Variants in DOCK2 observed in about 807,000 individuals in gnomAD.
The protein encoded by DOCK2 is dedicator of cytokinesis 2.
Under a neutral mutation model 248.9 loss-of-function variants are expected in DOCK2, and 87 were observed. The ratio of observed to expected loss-of-function variants is 0.35; its 90% CI spans 0.29 to 0.42. DOCK2 has a LOEUF of 0.42. Ranked by LOEUF, DOCK2 falls within the 10% of genes least tolerant of loss-of-function variation. The pLI, the probability that DOCK2 is intolerant of heterozygous loss-of-function variation, is 1.00. For missense variants in DOCK2, 1,747 were observed against 2,300.2 expected (o/e 0.76, Z 4.92); for synonymous variants, 805 against 821.6 (o/e 0.98, Z 0.35).
At chr5:169,836,810 G>A (rs1295392540) in intron 26 of DOCK2, among the ~76,000 whole-genome samples, 1 of 151,490 alleles carries the variant, frequency 6.6e-6, no homozygotes, top group Non-Finnish European at 1.5e-5. Flanking sequence ...TCTCTACTTG[G>A]TATCATGAAA....
rs757159147 is a variant in DOCK2 at position 169,702,294 on chromosome 5, C to T, written c.1259-9C>T. 8 of 1,613,444 alleles carry T rather than the reference C, an allele frequency of 5.0e-6. No individual in the cohort carries two copies. Among genetic ancestry groups the T allele is most frequent in the Non-Finnish European group, 6.8e-6 (8 of 1,179,590 alleles). On this transcript the variant is annotated splice_polypyrimidine_tract_variant and intron_variant, in intron 13 of 51. Transcript: ENST00000520908. The stretch of plus-strand genomic sequence containing the variant: ...CACTAACTCTTGTCTCTCTCTCCCT[C>T]TGCCTCAGGGGATGTCAGGAACGAC...
intron 27 of DOCK2, among the ~76,000 whole-genome samples, chr5:169,911,516 T>C (rs1774598439): frequency 6.6e-6 from 1 of 152,224 alleles, no homozygotes; most frequent in Non-Finnish European, 1.5e-5. Flanking sequence ...GTTTATTACC[T>C]GCTGGTGAGA....
intron 6 of DOCK2, among the ~76,000 whole-genome samples, chr5:169,676,922 A>G (rs1362323164): frequency 1.3e-5 from 2 of 152,238 alleles, no homozygotes; most frequent in Non-Finnish European, 2.9e-5. Flanking sequence ...AACCAGTGAT[A>G]ACTTCTGAAG....
At chr5:169,812,957 G>A (rs960241493) in intron 26 of DOCK2, among the ~76,000 whole-genome samples, 2 of 152,264 alleles carry the variant, frequency 1.3e-5, no homozygotes, top group South Asian at 2.1e-4. Flanking sequence ...AAGGCTTGCC[G>A]GGAAGCGGCA....
chr5:169,959,111 G>T (rs963408274), intron 27 of DOCK2, among the ~76,000 whole-genome samples: 17 of 152,118 alleles, frequency 1.1e-4, no homozygotes, highest in Non-Finnish European at 2.1e-4. Flanking sequence ...AGCACAAACT[G>T]GCTGGGCATG....
intron 30 of DOCK2, among the ~76,000 whole-genome samples, chr5:170,005,142 G>T (rs1461940974): frequency 1.3e-5 from 2 of 150,882 alleles, no homozygotes; most frequent in Non-Finnish European, 2.9e-5. Flanking sequence ...CTAAGTATAA[G>T]AAATCATACA....
Position 169,763,977 on chromosome 5 carries a change from CT to C in DOCK2, c.2554+2355del, listed in dbSNP as rs1474903791. On this transcript the variant is annotated intron_variant, in intron 25 of 51. Coordinates refer to ENST00000520908, the MANE Select transcript of DOCK2 (RefSeq NM_004946.3). This position sits in a 1 kb window ranked among gnomAD's most constrained non-coding sequence, Gnocchi z 4.1. Reference sequence around the variant, plus strand: ...CCAAAGGGAAACTTCAGCTCATCCCCTTTCTTAAATCCTCAAGTTCCCAATG... The same window carrying C: ...CCAAAGGGAAACTTCAGCTCATCCCCTTCTTAAATCCTCAAGTTCCCAATG... Among the ~76,000 whole-genome samples the C allele has an allele frequency of 6.6e-6, 1 of 152,212 alleles. No individual in the cohort carries two copies. Among genetic ancestry groups the C allele is most frequent in the African/African-American group, 2.4e-5 (1 of 41,456 alleles).
intron 26 of DOCK2, among the ~76,000 whole-genome samples, chr5:169,814,322 A>G (rs1208712456): frequency 2.6e-5 from 4 of 152,244 alleles, no homozygotes; most frequent in Non-Finnish European, 5.9e-5. Context: ...CGATCTGATG[A>G]TGAGAAGACA....
intron 25 of DOCK2, among the ~76,000 whole-genome samples, chr5:169,789,530 A>G (rs1021527089): frequency 1.3e-5 from 2 of 152,228 alleles, no homozygotes; most frequent in Non-Finnish European, 2.9e-5. Context: ...GTTTGCACAG[A>G]GAGCTCATTA....
chr5:169,754,753 A>G (rs1308463247), intron 23 of DOCK2, among the ~76,000 whole-genome samples: 2 of 152,136 alleles, frequency 1.3e-5, no homozygotes, highest in Non-Finnish European at 2.9e-5. Context: ...CTCATTAGCT[A>G]CATGGCTTCT....
chr5:170,013,754 A>G (rs901049557), intron 32 of DOCK2, among the ~76,000 whole-genome samples: 1 of 152,068 alleles, frequency 6.6e-6, no homozygotes, highest in African/African-American at 2.4e-5. Flanking sequence ...GTTTTAATTT[A>G]CTAAGTTTGT....
At chr5:170,052,514 G>A (rs1561899438) in intron 41 of DOCK2, among the ~76,000 whole-genome samples, 1 of 152,154 alleles carries the variant, frequency 6.6e-6, no homozygotes, top group Admixed American at 6.5e-5. Context: ...TCTTGAGACT[G>A]AGGGCTTTAT....
In DOCK2 at chr5:170,016,552, C is replaced by T. The variant is rs77450337; in HGVS notation, c.3233-2408C>T. 9.7e-3 allele frequency among the ~76,000 whole-genome samples: 1,472 copies of T among 152,344 alleles called. 26 individuals carry two copies. Among genetic ancestry groups the T allele is most frequent in the African/African-American group, 0.034 (1,413 of 41,586 alleles). On this transcript the variant is annotated intron_variant, in intron 32 of 51. Coordinates refer to ENST00000520908, the MANE Select transcript of DOCK2 (RefSeq NM_004946.3). ...ATTTGGAGATCACCATCTCTCTCTC[C>T]GCTTTCCCTATTCTGCCAAATATCT...
At chr5:170,006,901 A>G (rs1755051258) in intron 30 of DOCK2, among the ~76,000 whole-genome samples, 1 of 152,226 alleles carries the variant, frequency 6.6e-6, no homozygotes. Flanking sequence ...TGCTGTGTAT[A>G]CATCAAGATG....
chr5:169,674,512 C>A, intron 6 of DOCK2, 67 bp downstream of exon 6: 1 of 1,577,484 alleles, frequency 6.3e-7, no homozygotes, highest in Non-Finnish European at 8.6e-7. Context: ...CCTCTCTCCC[C>A]AGAAGCTTGT....
chr5:169,712,302 A>C, intron 17 of DOCK2, 79 bp downstream of exon 17: 1 of 1,266,830 alleles, frequency 7.9e-7, no homozygotes, highest in East Asian at 2.3e-5. Context: ...CTTAGTGGTC[A>C]ACAGCAGGGA....
At chr5:169,988,052 A>G (rs536835131) in intron 29 of DOCK2, among the ~76,000 whole-genome samples, 2 of 152,326 alleles carry the variant, frequency 1.3e-5, no homozygotes, top group South Asian at 2.1e-4. Flanking sequence ...GAAAATATCA[A>G]TAATAATAGC....
At chr5:169,994,225 A>G (rs1778279248) in intron 29 of DOCK2, among the ~76,000 whole-genome samples, 1 of 152,178 alleles carries the variant, frequency 6.6e-6, no homozygotes, top group Non-Finnish European at 1.5e-5. Flanking sequence ...GGATGGATAT[A>G]CAAATTTAGG....
intron 25 of DOCK2, among the ~76,000 whole-genome samples, chr5:169,791,118 T>G (rs779236344): frequency 6.6e-6 from 1 of 152,208 alleles, no homozygotes; most frequent in Non-Finnish European, 1.5e-5. Flanking sequence ...GCCCCTTATT[T>G]GCCTTCAGCA....
Sources: gnomAD v4.1 joint callset for allele counts (sites outside exome capture counted in the v4.1 genomes callset) on GRCh38, gnomAD v4.1.1 for gene constraint, Gnocchi (gnomAD v3.1) non-coding constraint, MANE v1.5 for transcripts, NCBI Gene and HGNC (gene_info 2026-07-23, HGNC 2026-07-21) for gene names.